The following TRUB1 variants were observed in gnomAD, a reference collection of about 807,000 sequenced individuals.
The protein encoded by TRUB1 is TruB pseudouridine synthase family member 1, also known as pseudouridylate synthase TRUB1.
In TRUB1, 23 loss-of-function variants were observed where a neutral mutation model predicts 33.9. The ratio of observed to expected loss-of-function variants is 0.68; its 90% CI spans 0.49 to 0.96. TRUB1 has a LOEUF of 0.96. Among genes scored for constraint, TRUB1 ranks in the 40% least tolerant of loss-of-function variants. The probability of loss-of-function intolerance (pLI) is 0.00; values close to 1 mark genes in which losing one functional copy is unlikely to be tolerated. For missense variants in TRUB1, 378 were observed against 422.2 expected, an observed-to-expected ratio of 0.90 and a Z score of 0.92; for synonymous variants, 163 against 165.4, an observed-to-expected ratio of 0.99 and a Z score of 0.11.
intron 1 of TRUB1, among the ~76,000 whole-genome samples, chr10:114,939,432 G>C (rs1216330479): frequency 1.3e-5 from 2 of 152,154 alleles, no homozygotes; most frequent in Non-Finnish European, 2.9e-5. Flanking sequence ...TAGTTAGTTA[G>C]GTTATTCAAG....
At chr10:114,940,503 C>T (rs953137430) in intron 1 of TRUB1, among the ~76,000 whole-genome samples, 4 of 152,162 alleles carry the variant, frequency 2.6e-5, no homozygotes, top group Non-Finnish European at 4.4e-5. Context: ...AATACCATTC[C>T]TTGTCTTTCT....
At chr10:114,961,052 A>G (rs1489443398) in intron 4 of TRUB1, among the ~76,000 whole-genome samples, 6 of 152,116 alleles carry the variant, frequency 3.9e-5, no homozygotes, top group Non-Finnish European at 7.4e-5. Flanking sequence ...ATCTGGGTTT[A>G]ATTTCTAGCT....
At chr10:114,946,289 A>G (rs1157835731) in intron 2 of TRUB1, among the ~76,000 whole-genome samples, 1 of 152,178 alleles carries the variant, frequency 6.6e-6, no homozygotes. Flanking sequence ...TACCTATAGT[A>G]TATAGATATA....
chr10:114,974,503 G>T, intron 7 of TRUB1, 118 bp downstream of exon 7: 1 of 738,508 alleles, frequency 1.4e-6, no homozygotes. Context: ...CTGAACTCTT[G>T]CTGCCTTCAG....
chr10:114,965,544 C>T (rs1481453180), intron 4 of TRUB1, among the ~76,000 whole-genome samples: 1 of 152,072 alleles, frequency 6.6e-6, no homozygotes, highest in Non-Finnish European at 1.5e-5. Context: ...ATGTCCTGGA[C>T]TGGCTTTGAT....
At chr10:114,944,843 G>A (rs971976507) in intron 2 of TRUB1, among the ~76,000 whole-genome samples, 1 of 151,866 alleles carries the variant, frequency 6.6e-6, no homozygotes, top group Admixed American at 6.6e-5. Flanking sequence ...AAATTAGCTG[G>A]GTGTGGTGAC....
chr10:114,965,274 G>A (rs1325749889), intron 4 of TRUB1, among the ~76,000 whole-genome samples: 1 of 151,990 alleles, frequency 6.6e-6, no homozygotes, highest in Non-Finnish European at 1.5e-5. Context: ...TAAAGAAGTT[G>A]CCTTTTATTC....
At chr10:114,939,493 G>A (rs1351941465) in intron 1 of TRUB1, among the ~76,000 whole-genome samples, 1 of 152,006 alleles carries the variant, frequency 6.6e-6, no homozygotes, top group Non-Finnish European at 1.5e-5. Context: ...CAGTAACAGG[G>A]ACTTTCTTAC....
intron 2 of TRUB1, among the ~76,000 whole-genome samples, chr10:114,946,411 A>G (rs930052548): frequency 1.3e-5 from 2 of 151,910 alleles, no homozygotes; most frequent in Non-Finnish European, 1.5e-5. Context: ...GCGTGATCTC[A>G]GCTCACTGCA....
At chr10:114,962,645 C>T (rs999637129) in intron 4 of TRUB1, among the ~76,000 whole-genome samples, 1 of 152,108 alleles carries the variant, frequency 6.6e-6, no homozygotes, top group Admixed American at 6.5e-5. Context: ...TGGGTGGAGA[C>T]CAGGGATGAC....
At chr10:114,940,014 CG>C (rs1215104290) in intron 1 of TRUB1, among the ~76,000 whole-genome samples, 3 of 152,046 alleles carry the variant, frequency 2.0e-5, no homozygotes, top group Non-Finnish European at 4.4e-5. Flanking sequence ...TCATTATCCT[CG>C]ATTTCTATAT....
chr10:114,964,814 G>A (rs2084299986), intron 4 of TRUB1, among the ~76,000 whole-genome samples: 2 of 151,472 alleles, frequency 1.3e-5, no homozygotes, highest in African/African-American at 4.9e-5. Flanking sequence ...ACATTGATCA[G>A]TTTGTTTATA....
rs550450934 is a variant in TRUB1, at chr10:114,944,820, A to G, written c.385+2077A>G. Among the ~76,000 whole-genome samples, 3 of 152,248 alleles carry G rather than the reference A, an allele frequency of 2.0e-5. No individual in the cohort carries two copies. In the East Asian group the frequency reaches 5.8e-4, roughly 29 times the overall value. On this transcript the variant is annotated intron_variant, in intron 2 of 7. Transcript: ENST00000298746. ...GACAATGTGGCGAAACCCCATCTCT[A>G]TAAAAAATTAAAAAATTAGCTGGGT...
chr10:114,966,746 T>G (rs1411411755), intron 4 of TRUB1, among the ~76,000 whole-genome samples: 1 of 152,236 alleles, frequency 6.6e-6, no homozygotes, highest in Non-Finnish European at 1.5e-5. Flanking sequence ...CAATTTCTAA[T>G]AGTTCATTGG....
chr10:114,960,281 C>A (rs1322580000), intron 4 of TRUB1, among the ~76,000 whole-genome samples: 2 of 152,168 alleles, frequency 1.3e-5, no homozygotes, highest in Non-Finnish European at 2.9e-5. Flanking sequence ...AGCTATTTCT[C>A]TGGAAGTAAA....
In TRUB1 at chr10:114,976,618, A is replaced by G. The variant is rs2084362597; in HGVS notation, c.*1239A>G. The G allele has an allele frequency of 6.6e-6, 1 of 152,164 alleles. No homozygotes were observed. Among genetic ancestry groups the G allele is most frequent in the East Asian group, 1.9e-4 (1 of 5,202 alleles). 9.4% of individuals were successfully genotyped at this position (152,164 alleles called of 1,614,324 possible). A position where few individuals can be genotyped will look rare whatever the true frequency, so the allele number is the denominator to read the frequency against. On this transcript the variant is annotated 3_prime_UTR_variant, in exon 8 of 8. Coordinates refer to ENST00000298746, the MANE Select transcript of TRUB1 (RefSeq NM_139169.5). The stretch of plus-strand genomic sequence containing the variant: ...ATGTTTATGCTTTGCCTTTCTTTTT[A>G]AAGGTGTTTTCCTGCTTTGTAGTCT...
chr10:114,970,688 T>C (rs2084332679), intron 5 of TRUB1, among the ~76,000 whole-genome samples: 1 of 152,218 alleles, frequency 6.6e-6, no homozygotes, highest in African/African-American at 2.4e-5. Flanking sequence ...ACAGTGTTTA[T>C]TGGCTTTTCT....
At chr10:114,942,867 T>C (rs545547983) in intron 2 of TRUB1, 124 bp downstream of exon 2, 10 of 664,180 alleles carry the variant, frequency 1.5e-5, no homozygotes, top group Non-Finnish European at 2.1e-5. Context: ...GTTTCAGATC[T>C]ACTGGATATA....
chr10:114,975,626 G>A lies in TRUB1; in HGVS notation c.*247G>A, dbSNP rs755442598. 2.1e-4 allele frequency: 62 copies of A among 299,540 alleles called. No homozygotes were observed. Among genetic ancestry groups the A allele is most frequent in the Non-Finnish European group, 3.7e-4 (61 of 162,856 alleles). The allele number at this position is 299,540 out of a possible 1,614,324, so 18.6% of individuals were successfully genotyped here. A position where few individuals can be genotyped will look rare whatever the true frequency, so the allele number is the denominator to read the frequency against. ...AGGATTTTTTGTATTGTGAAAATAT[G>A]AATATGATTGGATTCAGAAAAATTA... On this transcript the variant is annotated 3_prime_UTR_variant, in exon 8 of 8. Coordinates refer to ENST00000298746, the MANE Select transcript of TRUB1 (RefSeq NM_139169.5).
Sources: gnomAD v4.1 joint callset for allele counts (sites outside exome capture counted in the v4.1 genomes callset) on GRCh38, gnomAD v4.1.1 for gene constraint, MANE v1.5 for transcripts, NCBI Gene and HGNC (gene_info 2026-07-23, HGNC 2026-07-21) for gene names.